GSK3B: variants seen among roughly 807,000 people sequenced by gnomAD.
GSK3B encodes the protein glycogen synthase kinase 3 beta.
In GSK3B, 15 loss-of-function variants were observed where a neutral mutation model predicts 56.4. That is an observed-to-expected ratio of 0.27 (90% confidence interval 0.18 to 0.41). The LOEUF is 0.41. Ranked by LOEUF, GSK3B falls within the 10% of genes least tolerant of loss-of-function variation. The pLI, the probability that GSK3B is intolerant of heterozygous loss-of-function variation, is 1.00. For missense variants in GSK3B, 300 were observed against 513.4 expected, an observed-to-expected ratio of 0.58 and a Z score of 4.02; for synonymous variants, 181 against 188.9, an observed-to-expected ratio of 0.96 and a Z score of 0.34.
chr3:119,892,003 G>C (rs1410941999), intron 7 of GSK3B, among the ~76,000 whole-genome samples: 1 of 152,122 alleles, frequency 6.6e-6, no homozygotes, highest in Admixed American at 6.6e-5. Context: ...GGAATTATGA[G>C]TTGATAATTA....
chr3:119,985,971 T>TA (rs1459017463), intron 2 of GSK3B, among the ~76,000 whole-genome samples: 2 of 152,204 alleles, frequency 1.3e-5, no homozygotes, highest in Admixed American at 1.3e-4. Flanking sequence ...AGCATAGTAC[T>TA]GGTACCAAAA....
At chr3:119,873,774 T>G (rs1471068379) in intron 8 of GSK3B, among the ~76,000 whole-genome samples, 2 of 152,166 alleles carry the variant, frequency 1.3e-5, no homozygotes, top group Admixed American at 6.6e-5. Flanking sequence ...TTGTTTACAA[T>G]CCCAGTAACA....
intron 2 of GSK3B, among the ~76,000 whole-genome samples, chr3:119,976,230 C>T (rs2057407406): frequency 6.6e-6 from 1 of 152,048 alleles, no homozygotes; most frequent in Non-Finnish European, 1.5e-5. Context: ...TAGGAACACA[C>T]TAAAGAGAAA....
intron 8 of GSK3B, chr3:119,866,620 T>C (rs1363879582): frequency 6.2e-7 from 1 of 1,603,442 alleles, no homozygotes; most frequent in Non-Finnish European, 8.5e-7. Context: ...GTCCTGTTCC[T>C]GACGAATCCT....
rs1415472000 is a variant in GSK3B at position 119,874,293 on chromosome 3, A to G, written c.909+2120T>C. ...GACTGCAAGTAGTACTAAACCCTACATATACTGTTTTTCTCTATACATACA... is the reference window on the plus strand; with the variant it reads ...GACTGCAAGTAGTACTAAACCCTACGTATACTGTTTTTCTCTATACATACA... On this transcript the variant is annotated intron_variant, in intron 8 of 10. Transcript: ENST00000264235. 2.6e-5 allele frequency among the ~76,000 whole-genome samples: 4 copies of G among 152,256 alleles called. No homozygotes were observed. In the East Asian group the frequency reaches 7.7e-4, roughly 29 times the overall value.
chr3:120,013,912 A>C lies in GSK3B; in HGVS notation c.89-11673T>G, dbSNP rs995148240. Among the ~76,000 whole-genome samples the C allele has an allele frequency of 2.0e-5, 3 of 152,010 alleles. No homozygotes were observed. In the East Asian group the frequency reaches 5.8e-4, roughly 29 times the overall value. ...TGGCCGGGCGCAGTGGCTCAAGCCT[A>C]TAATTCCAGCACTTTGGGAGGCCAA... On this transcript the variant is annotated intron_variant, in intron 1 of 10. Coordinates refer to ENST00000264235, the MANE Select transcript of GSK3B (RefSeq NM_001146156.2).
At chr3:120,039,695 G>A (rs982571090) in intron 1 of GSK3B, among the ~76,000 whole-genome samples, 1 of 152,196 alleles carries the variant, frequency 6.6e-6, no homozygotes, top group African/African-American at 2.4e-5. Flanking sequence ...CTTAGATTGT[G>A]TAGTCCGAAC....
chr3:119,879,478 GC>G (rs1393331566), intron 7 of GSK3B, among the ~76,000 whole-genome samples: 3 of 152,048 alleles, frequency 2.0e-5, no homozygotes, highest in African/African-American at 7.2e-5. Context: ...ATTGCGCACA[GC>G]CTATCTTTTG....
At chr3:119,995,789 G>A (rs1426725549) in intron 2 of GSK3B, among the ~76,000 whole-genome samples, 1 of 145,590 alleles carries the variant, frequency 6.9e-6, no homozygotes, top group Non-Finnish European at 1.5e-5. Context: ...CCAGGCTAGA[G>A]TGCAGTGGCG....
At chr3:119,860,464 A>G (rs1488659131) in intron 9 of GSK3B, among the ~76,000 whole-genome samples, 1 of 152,236 alleles carries the variant, frequency 6.6e-6, no homozygotes, top group Non-Finnish European at 1.5e-5. Flanking sequence ...TTAGGCAATC[A>G]GAAAGATCTT....
chr3:119,839,624 T>C (rs2055741634), intron 10 of GSK3B, among the ~76,000 whole-genome samples: 1 of 152,214 alleles, frequency 6.6e-6, no homozygotes, highest in South Asian at 2.1e-4. Context: ...ATGGTAGTCT[T>C]TTGAATTTGT....
At chr3:120,075,469 T>C (rs892647728) in intron 1 of GSK3B, among the ~76,000 whole-genome samples, 1 of 152,038 alleles carries the variant, frequency 6.6e-6, no homozygotes, top group Admixed American at 6.6e-5. Flanking sequence ...GATGGCATGA[T>C]CCCATATATA....
intron 1 of GSK3B, among the ~76,000 whole-genome samples, chr3:120,065,959 G>A (rs1375458808): frequency 6.6e-6 from 1 of 152,168 alleles, no homozygotes; most frequent in Admixed American, 6.5e-5. Flanking sequence ...GGGGGAAATG[G>A]GGAGTGACTC....
At chr3:119,855,834 T>TG (rs1211831313) in intron 9 of GSK3B, among the ~76,000 whole-genome samples, 1 of 113,444 alleles carries the variant, frequency 8.8e-6, no homozygotes. Context: ...TGTCGTGCGG[T>TG]GGGGGGAGGG....
chr3:119,890,968 A>T (rs550601046), intron 7 of GSK3B, among the ~76,000 whole-genome samples: 1 of 152,176 alleles, frequency 6.6e-6, no homozygotes, highest in South Asian at 2.1e-4. Context: ...CAGCCTCTGA[A>T]GTTATTCACA....
chr3:120,001,241 A>G (rs1181890649), intron 2 of GSK3B, among the ~76,000 whole-genome samples: 1 of 151,872 alleles, frequency 6.6e-6, no homozygotes, highest in African/African-American at 2.4e-5. Context: ...GTTATTTAAG[A>G]GAGTCTGGGG....
intron 7 of GSK3B, among the ~76,000 whole-genome samples, chr3:119,897,590 TG>T (rs1171427229): frequency 2.0e-5 from 3 of 151,804 alleles, no homozygotes; most frequent in South Asian, 4.1e-4. Flanking sequence ...TTCATTTTTC[TG>T]GGGGGAAGTG....
At chr3:119,846,332 A>G (rs2055854649) in intron 9 of GSK3B, among the ~76,000 whole-genome samples, 1 of 152,238 alleles carries the variant, frequency 6.6e-6, no homozygotes, top group South Asian at 2.1e-4. Flanking sequence ...CTGCACAGCA[A>G]AAGAAACTAT....
intron 1 of GSK3B, among the ~76,000 whole-genome samples, chr3:120,016,734 CA>C (rs1215394792): frequency 6.6e-6 from 1 of 152,110 alleles, no homozygotes; most frequent in Non-Finnish European, 1.5e-5. Context: ...ACCTCAAAAC[CA>C]AATTTTACTT....
Sources: allele counts gnomAD v4.1 joint callset (sites outside exome capture counted in the v4.1 genomes callset), GRCh38; gene constraint gnomAD v4.1.1; transcripts MANE v1.5; gene names NCBI Gene and HGNC (gene_info 2026-07-23, HGNC 2026-07-21).